AHCTF1: variants seen among roughly 807,000 people sequenced by gnomAD.
The protein encoded by AHCTF1 is AT-hook containing transcription factor 1.
Under a neutral mutation model 248.4 loss-of-function variants are expected in AHCTF1, and 24 were observed. That is an observed-to-expected ratio of 0.10 (90% CI 0.07 to 0.14). AHCTF1 has a LOEUF of 0.14. AHCTF1 is among the 10% of genes least tolerant of loss of function. AHCTF1 has a pLI of 1.00. For missense variants in AHCTF1, 2,206 were observed against 2,636.2 expected (o/e 0.84, Z 3.57); for synonymous variants, 786 against 929.8 (o/e 0.85, Z 2.81).
Position 246,850,297 on chromosome 1 carries a change from G to C in AHCTF1, c.5709C>G (p.Ile1903Met). Residue 1903 changes from isoleucine (I) to methionine (M), a missense_variant, in exon 33 of 36, where the codon ATC becomes ATG. Physicochemically the swap from Ile to Met is conservative, Grantham distance 10. Around this residue, in one of 6 missense-constraint regions of AHCTF1, gnomAD observed 469 missense variants for 470.0 expected, o/e 1.00. Transcript: ENST00000648844. ...CTAAATTAGTACTTCTCAATTTTCT[G>C]ATCATTCTGCTAGGACTTGTTACCG... ...VSTVTSPSRM[I>M]RKLRSTNLDA... 2 of 1,613,820 alleles carry C rather than the reference G, an allele frequency of 1.2e-6. No individual in the cohort carries two copies. The highest frequency in any genetic ancestry group is 1.7e-5 in the Admixed American group (1 of 60,006).
chr1:246,931,338 TC>T, intron 1 of AHCTF1: 1 of 1,543,002 alleles, frequency 6.5e-7, no homozygotes, highest in Non-Finnish European at 8.7e-7. Flanking sequence ...GTGCCGCCGC[TC>T]CTCCGGTCCG....
At chr1:246,924,638 T>C (rs1442080000) in intron 1 of AHCTF1, among the ~76,000 whole-genome samples, 1 of 152,224 alleles carries the variant, frequency 6.6e-6, no homozygotes, top group Admixed American at 6.5e-5. Flanking sequence ...GAAAAAAACA[T>C]TTCAAAGATT....
intron 26 of AHCTF1, chr1:246,865,116 T>C (rs1434824524): frequency 6.6e-6 from 1 of 152,258 alleles, no homozygotes; most frequent in African/African-American, 2.4e-5. Context: ...AGTCGGGTTT[T>C]CAGGTGGTAA....
intron 24 of AHCTF1, among the ~76,000 whole-genome samples, chr1:246,875,321 A>G (rs1662859416): frequency 6.6e-6 from 1 of 152,138 alleles, no homozygotes; most frequent in African/African-American, 2.4e-5. Flanking sequence ...TCAGCTGGAC[A>G]CTGCTTTGGA....
intron 1 of AHCTF1, among the ~76,000 whole-genome samples, chr1:246,922,699 T>C (rs1463278517): frequency 1.3e-5 from 2 of 148,946 alleles, no homozygotes; most frequent in South Asian, 4.6e-4. Context: ...ATAGTATCAA[T>C]AGGCTGGGCG....
At chr1:246,924,476 C>CAT (rs918948070) in intron 1 of AHCTF1, among the ~76,000 whole-genome samples, 5 of 151,462 alleles carry the variant, frequency 3.3e-5, no homozygotes, top group South Asian at 2.1e-4. Flanking sequence ...AATTTTAAAA[C>CAT]ATATATATAT....
chr1:246,924,998 A>T (rs995017642), intron 1 of AHCTF1, among the ~76,000 whole-genome samples: 1 of 152,172 alleles, frequency 6.6e-6, no homozygotes, highest in African/African-American at 2.4e-5. Flanking sequence ...GCTTAGTACC[A>T]AAAAAATTTT....
rs1015357445 is a variant in AHCTF1, at chr1:246,931,161, G to A, written c.-8+417C>T. 6.5e-6 allele frequency: 10 copies of A among 1,550,072 alleles called. No individual in the cohort carries two copies. In the African/African-American group the frequency reaches 1.1e-4, roughly 17 times the overall value. On this transcript the variant is annotated intron_variant, in intron 1 of 35. Transcript: ENST00000648844. ...AGGCCCAAGCGCATGTGGAACACAC[G>A]CCAACACAGGACAGGCTCAGCACGC... is the stretch of plus-strand genomic sequence containing the variant.
At chr1:246,848,341 G>A (rs1660438834) in intron 33 of AHCTF1, among the ~76,000 whole-genome samples, 2 of 151,826 alleles carry the variant, frequency 1.3e-5, no homozygotes, top group Non-Finnish European at 2.9e-5. Context: ...AGTCTCCCGA[G>A]TAGCTGGGAC....
chr1:246,894,795 AAC>A, intron 13 of AHCTF1, 47 bp from the exon 14 acceptor site: 1 of 1,511,216 alleles, frequency 6.6e-7, no homozygotes, highest in East Asian at 2.3e-5. Context: ...ATTAATTACA[AAC>A]AGAGTTCTAA....
chr1:246,847,283 C>CCAT (rs1303790747), intron 33 of AHCTF1, among the ~76,000 whole-genome samples: 5 of 139,350 alleles, frequency 3.6e-5, no homozygotes, highest in African/African-American at 1.5e-4. Flanking sequence ...CAGCCAAACT[C>CCAT]CATCTCAAAA....
chr1:246,929,991 G>GCA (rs959604240), intron 1 of AHCTF1, among the ~76,000 whole-genome samples: 1 of 151,780 alleles, frequency 6.6e-6, no homozygotes. Context: ...GACGGAGGTT[G>GCA]CAGTGAGCCA....
Position 246,849,926 on chromosome 1 carries a change from A to G in AHCTF1, c.6080T>C (p.Leu2027Ser). ...GTTTGGCACTAAAATGGATTTTCCT[A>G]AAGCTGGTTTTCCAACATCAACATT... is the stretch of plus-strand genomic sequence containing the variant. ...SENVDVGKPA[L>S]GKSILVPNEE... Residue 2027 changes from leucine (L) to serine (S), a missense_variant, in exon 33 of 36, where the codon TTA becomes TCA. Coordinates refer to ENST00000648844, the MANE Select transcript of AHCTF1 (RefSeq NM_001323342.2). The G allele has an allele frequency of 1.9e-6, 3 of 1,613,986 alleles. No individual in the cohort carries two copies. The highest frequency in any genetic ancestry group is 2.5e-6 in the Non-Finnish European group (3 of 1,179,868).
Position 246,913,055 on chromosome 1 carries a change from C to T in AHCTF1, c.556+177G>A, listed in dbSNP as rs374265942. The stretch of plus-strand genomic sequence containing the variant: ...AACAGTATCTTATGCAAGAAGTATC[C>T]ACTGTGCTCAGGTCCAGACAATAAA... On this transcript the variant is annotated intron_variant, in intron 4 of 35. Coordinates refer to ENST00000648844, the MANE Select transcript of AHCTF1 (RefSeq NM_001323342.2). Among the ~76,000 whole-genome samples the T allele has an allele frequency of 1.1e-4, 17 of 152,114 alleles. No individual in the cohort carries two copies. In the South Asian group the frequency reaches 3.1e-3, roughly 28 times the overall value.
At chr1:246,894,108 G>C (rs1664401535) in intron 14 of AHCTF1, among the ~76,000 whole-genome samples, 1 of 152,164 alleles carries the variant, frequency 6.6e-6, no homozygotes, top group Non-Finnish European at 1.5e-5. Flanking sequence ...GGAGGCTGAG[G>C]CAGGAGGATG....
chr1:246,912,351 C>T (rs1665870837), intron 4 of AHCTF1, among the ~76,000 whole-genome samples: 1 of 151,614 alleles, frequency 6.6e-6, no homozygotes, highest in South Asian at 2.1e-4. Context: ...GGCATGGTGG[C>T]GTGTGCCTGT....
chr1:246,869,756 G>GCC (rs1450598953), intron 24 of AHCTF1, among the ~76,000 whole-genome samples: 3 of 152,000 alleles, frequency 2.0e-5, no homozygotes, highest in African/African-American at 7.3e-5. Flanking sequence ...CACTGATAAT[G>GCC]CCCCTGGTCA....
At chr1:246,842,874 A>C (rs1659983788) in intron 34 of AHCTF1, 98 bp from the exon 35 acceptor site, 3 of 1,039,346 alleles carry the variant, frequency 2.9e-6, no homozygotes, top group Non-Finnish European at 1.4e-6. Flanking sequence ...AACACTGATG[A>C]ATTCAAACTC....
At chr1:246,865,268 G>A (rs1327305893) in intron 26 of AHCTF1, 2 of 152,128 alleles carry the variant, frequency 1.3e-5, no homozygotes, top group Non-Finnish European at 2.9e-5. Flanking sequence ...AGAATAACCA[G>A]AAAAGGAGAG....
Sources: allele counts gnomAD v4.1 joint callset (sites outside exome capture counted in the v4.1 genomes callset), GRCh38; gene constraint gnomAD v4.1.1; regional missense constraint gnomAD v4.1.1; transcripts MANE v1.5; gene names NCBI Gene and HGNC (gene_info 2026-07-23, HGNC 2026-07-21).